The following GULP1 variants were observed in gnomAD, a reference collection of about 807,000 sequenced individuals.
GULP1 encodes the protein GULP PTB domain containing engulfment adaptor 1, also known as PTB domain-containing engulfment adapter protein 1.
Under a neutral mutation model 40.9 loss-of-function variants are expected in GULP1, and 19 were observed. The ratio of observed to expected loss-of-function variants is 0.46; its 90% CI spans 0.32 to 0.68. GULP1 has a LOEUF of 0.68. GULP1 is among the 30% of genes least tolerant of loss of function. The pLI, the probability that GULP1 is intolerant of heterozygous loss-of-function variation, is 0.03. For synonymous variants in GULP1, 119 were observed against 117.6 expected (o/e 1.01, Z -0.08); for missense variants, 312 against 362.2 (o/e 0.86, Z 1.12).
intron 1 of GULP1, among the ~76,000 whole-genome samples, chr2:188,323,109 A>G (rs182241225): frequency 6.6e-6 from 1 of 151,762 alleles, no homozygotes; most frequent in East Asian, 2.0e-4. Flanking sequence ...ATATAAATTT[A>G]TTTGTCTGTA....
At chr2:188,517,264 A>T (rs1470277176) in intron 4 of GULP1, among the ~76,000 whole-genome samples, 1 of 152,170 alleles carries the variant, frequency 6.6e-6, no homozygotes, top group Non-Finnish European at 1.5e-5. Context: ...CAACCTGAAA[A>T]ATTGTAAGCA....
chr2:188,511,255 C>T (rs1351693677), intron 4 of GULP1, among the ~76,000 whole-genome samples: 1 of 152,086 alleles, frequency 6.6e-6, no homozygotes, highest in Non-Finnish European at 1.5e-5. Flanking sequence ...TCTGAACTAG[C>T]TAAATGGATG....
At chr2:188,553,683 T>G (rs1694071994) in intron 7 of GULP1, among the ~76,000 whole-genome samples, 1 of 152,024 alleles carries the variant, frequency 6.6e-6, no homozygotes, top group South Asian at 2.1e-4. Context: ...TAGAATGAGT[T>G]AAGAAGAACC....
At chr2:188,518,992 G>A (rs1307664484) in intron 4 of GULP1, among the ~76,000 whole-genome samples, 2 of 151,956 alleles carry the variant, frequency 1.3e-5, no homozygotes, top group Non-Finnish European at 2.9e-5. Flanking sequence ...ATTTTAGATA[G>A]GTGTAAGAAA....
chr2:188,458,162 CTT>C (rs1482333194), intron 2 of GULP1, among the ~76,000 whole-genome samples: 2 of 152,162 alleles, frequency 1.3e-5, no homozygotes, highest in South Asian at 2.1e-4. Flanking sequence ...CTTCCCTTCT[CTT>C]ATGCTGAATG....
intron 10 of GULP1, among the ~76,000 whole-genome samples, chr2:188,585,196 G>T (rs1318468567): frequency 1.3e-5 from 2 of 152,162 alleles, no homozygotes; most frequent in African/African-American, 4.8e-5. Context: ...GGACCCCAAG[G>T]CCTTGGGCAG....
At chr2:188,435,011 C>G (rs1024440239) in intron 2 of GULP1, among the ~76,000 whole-genome samples, 4 of 151,904 alleles carry the variant, frequency 2.6e-5, no homozygotes, top group Non-Finnish European at 5.9e-5. Context: ...CTTACAATAT[C>G]TTTTCTATAT....
intron 9 of GULP1, among the ~76,000 whole-genome samples, chr2:188,572,761 A>C (rs1358310623): frequency 6.6e-6 from 1 of 152,198 alleles, no homozygotes; most frequent in African/African-American, 2.4e-5. Context: ...CATGCACAGA[A>C]AGACAAATAT....
At chr2:188,306,357 C>T (rs1473038612) in intron 1 of GULP1, among the ~76,000 whole-genome samples, 1 of 151,756 alleles carries the variant, frequency 6.6e-6, no homozygotes, top group Non-Finnish European at 1.5e-5. Context: ...ATCAAAATAC[C>T]ATATTCAAAG....
At chr2:188,549,754 A>G (rs1051768403) in intron 7 of GULP1, among the ~76,000 whole-genome samples, 3 of 151,840 alleles carry the variant, frequency 2.0e-5, no homozygotes, top group Non-Finnish European at 4.4e-5. Context: ...AAGGGACATT[A>G]CTTAGCAATA....
chr2:188,543,513 G>C (rs1691092512), intron 7 of GULP1, among the ~76,000 whole-genome samples: 1 of 152,094 alleles, frequency 6.6e-6, no homozygotes, highest in Non-Finnish European at 1.5e-5. Context: ...TAATTATAAT[G>C]ATGACTATAT....
At chr2:188,516,463 G>A (rs1443538483) in intron 4 of GULP1, among the ~76,000 whole-genome samples, 1 of 151,814 alleles carries the variant, frequency 6.6e-6, no homozygotes, top group Non-Finnish European at 1.5e-5. Flanking sequence ...CTTTGTGCTT[G>A]TATATTTGTT....
intron 2 of GULP1, among the ~76,000 whole-genome samples, chr2:188,462,702 G>A (rs1235813883): frequency 6.6e-6 from 1 of 151,656 alleles, no homozygotes; most frequent in African/African-American, 2.4e-5. Context: ...GTTTCTTCCT[G>A]TTTTCCTTTT....
intron 1 of GULP1, among the ~76,000 whole-genome samples, chr2:188,381,138 T>C (rs558305721): frequency 6.6e-6 from 1 of 152,188 alleles, no homozygotes; most frequent in East Asian, 1.9e-4. Flanking sequence ...CCAGTCTGAG[T>C]TTTGCAAGAA....
At chr2:188,534,088 C>G (rs952828470) in intron 6 of GULP1, among the ~76,000 whole-genome samples, 9 of 152,230 alleles carry the variant, frequency 5.9e-5, no homozygotes, top group South Asian at 4.1e-4. Context: ...CAAATAACTT[C>G]AAACAGTTAC....
intron 11 of GULP1, chr2:188,589,493 T>G: frequency 3.3e-6 from 1 of 304,068 alleles, no homozygotes; most frequent in Non-Finnish European, 6.0e-6. Flanking sequence ...TCTCAAGGGT[T>G]GCACAGGTCA....
intron 7 of GULP1, among the ~76,000 whole-genome samples, chr2:188,553,509 A>T (rs1694022766): frequency 6.6e-6 from 1 of 152,022 alleles, no homozygotes; most frequent in Non-Finnish European, 1.5e-5. Flanking sequence ...TCTGGTATAA[A>T]TCCCACTCAA....
rs1302099986 is a variant in GULP1, at chr2:188,426,031, AG to A, written c.-45+42144del. Among the ~76,000 whole-genome samples, 6 of 152,266 alleles carry A rather than the reference AG, an allele frequency of 3.9e-5. No homozygotes were observed. In the South Asian group the frequency reaches 8.3e-4, roughly 21 times the overall value. On this transcript the variant is annotated intron_variant, in intron 2 of 11. Coordinates refer to ENST00000409830, the MANE Select transcript of GULP1 (RefSeq NM_016315.4). ...GCCCTAAGAACATATGCCTCTAAGT[AG>A]GTGTTTGGGATATAGCTTGGTTTTA... is the stretch of plus-strand genomic sequence containing the variant.
chr2:188,342,640 G>C (rs958908215), intron 1 of GULP1, among the ~76,000 whole-genome samples: 5 of 152,036 alleles, frequency 3.3e-5, no homozygotes, highest in Admixed American at 3.3e-4. Flanking sequence ...ACAAACTTGG[G>C]TTTCATATCA....
Sources: gnomAD v4.1 joint callset for allele counts (sites outside exome capture counted in the v4.1 genomes callset) on GRCh38, gnomAD v4.1.1 for gene constraint, MANE v1.5 for transcripts, NCBI Gene and HGNC (gene_info 2026-07-23, HGNC 2026-07-21) for gene names.